Variants in PPARGC1B observed in about 807,000 individuals in gnomAD.
PPARGC1B encodes the protein peroxisome proliferator-activated receptor gamma coactivator 1-beta.
PPARGC1B carries 34 observed loss-of-function variants against 101.6 expected under a neutral mutation model. That is an observed-to-expected ratio of 0.33 (90% CI 0.25 to 0.45). PPARGC1B has a LOEUF of 0.45. Among genes scored for constraint, PPARGC1B ranks in the 20% least tolerant of loss-of-function variants. The pLI, the probability that PPARGC1B is intolerant of heterozygous loss-of-function variation, is 1.00. For missense variants in PPARGC1B, 1,234 were observed against 1,317.6 expected (o/e 0.94, Z 0.98); for synonymous variants, 548 against 539.3 (o/e 1.02, Z -0.22).
intron 1 of PPARGC1B, among the ~76,000 whole-genome samples, chr5:149,731,115 G>T (rs1754446764): frequency 2.0e-5 from 3 of 152,214 alleles, no homozygotes. Context: ...GCGGTGCGCG[G>T]CCCCGGTGCG....
intron 11 of PPARGC1B, chr5:149,846,138 A>G: frequency 3.3e-6 from 2 of 607,244 alleles, no homozygotes; most frequent in South Asian, 2.1e-5. Flanking sequence ...ACTGCTACCA[A>G]AGAGAATCCA....
intron 1 of PPARGC1B, among the ~76,000 whole-genome samples, chr5:149,755,078 T>G (rs1350978457): frequency 1.4e-5 from 2 of 146,178 alleles, no homozygotes; most frequent in South Asian, 2.2e-4. Context: ...TATATAATTT[T>G]TTTTTCTTTT....
chr5:149,763,643 A>G (rs1043910833), intron 1 of PPARGC1B, among the ~76,000 whole-genome samples: 1 of 144,966 alleles, frequency 6.9e-6, no homozygotes, highest in African/African-American at 2.6e-5. Context: ...TAATTCTCCC[A>G]TCTTAGCCTC....
intron 2 of PPARGC1B, 80 bp from the exon 3 acceptor site, chr5:149,826,593 C>T: frequency 2.7e-6 from 3 of 1,123,926 alleles, no homozygotes; most frequent in South Asian, 2.7e-5. Context: ...AGCTGGTGTC[C>T]ACCGTGGAGA....
chr5:149,733,658 G>A (rs1224650668), intron 1 of PPARGC1B, among the ~76,000 whole-genome samples: 6 of 152,272 alleles, frequency 3.9e-5, no homozygotes, highest in Non-Finnish European at 5.9e-5. Context: ...CCAAGCAGAA[G>A]CTCCCAGGCT....
At chr5:149,790,408 C>A (rs926805023) in intron 1 of PPARGC1B, among the ~76,000 whole-genome samples, 1 of 152,104 alleles carries the variant, frequency 6.6e-6, no homozygotes, top group Non-Finnish European at 1.5e-5. Context: ...TCCGCTCTCA[C>A]CCCTGCACAC....
intron 1 of PPARGC1B, among the ~76,000 whole-genome samples, chr5:149,799,928 A>G (rs2113287098): frequency 6.6e-6 from 1 of 151,882 alleles, no homozygotes; most frequent in East Asian, 1.9e-4. Context: ...CGAACTCCTG[A>G]CCTCAGGTAA....
intron 10 of PPARGC1B, among the ~76,000 whole-genome samples, chr5:149,844,391 T>G (rs1759469155): frequency 6.6e-6 from 1 of 152,256 alleles, no homozygotes; most frequent in Admixed American, 6.5e-5. Flanking sequence ...GGCTCACGCC[T>G]GTAATCCCAA....
At chr5:149,843,299 CT>C (rs1759422740) in intron 10 of PPARGC1B, among the ~76,000 whole-genome samples, 1 of 152,166 alleles carries the variant, frequency 6.6e-6, no homozygotes, top group Admixed American at 6.5e-5. Flanking sequence ...GATGTCAAAA[CT>C]TTGTCAGTTT....
chr5:149,778,848 A>G (rs1054564016), intron 1 of PPARGC1B, among the ~76,000 whole-genome samples: 3 of 152,180 alleles, frequency 2.0e-5, no homozygotes, highest in African/African-American at 7.2e-5. Flanking sequence ...GAGTGTGTGT[A>G]GTCATAAAAC....
intron 1 of PPARGC1B, among the ~76,000 whole-genome samples, chr5:149,803,241 C>A (rs909096525): frequency 6.6e-6 from 1 of 152,212 alleles, no homozygotes; most frequent in African/African-American, 2.4e-5. Flanking sequence ...CCAGTGTTCT[C>A]TACTATTGCT....
In PPARGC1B at chr5:149,830,840, G is replaced by A. The variant is rs148461382; in HGVS notation, c.539G>A (p.Arg180His). The A allele has an allele frequency of 7.4e-6, 12 of 1,613,986 alleles. No homozygotes were observed. Among genetic ancestry groups the A allele is most frequent in the South Asian group, 4.4e-5 (4 of 91,084 alleles). Residue 180 changes from arginine to histidine, a missense_variant, in exon 4 of 12, where the codon CGC becomes CAC. Physicochemically the swap from Arg to His is conservative, Grantham distance 29 (BLOSUM62 0). This residue lies in a region of PPARGC1B where 734 missense variants were observed against 768.4 expected (regional missense o/e 0.96). Transcript: ENST00000309241. The stretch of plus-strand genomic sequence containing the variant: ...ACCCAGAAGGAAGGGACCGCCTGGC[G>A]CCAGGCAGGCCTCAGATCTAAAAGT... The part of the protein sequence containing the change: ...SDTQKEGTAW[R>H]QAGLRSKSQR...
At chr5:149,797,776 C>G (rs1211931136) in intron 1 of PPARGC1B, among the ~76,000 whole-genome samples, 3 of 152,014 alleles carry the variant, frequency 2.0e-5, no homozygotes, top group Non-Finnish European at 4.4e-5. Flanking sequence ...TAAAAATTAG[C>G]TGGGTGTGGT....
Position 149,789,873 on chromosome 5 carries a change from T to A in PPARGC1B, c.79-30560T>A, listed in dbSNP as rs181998589. On this transcript the variant is annotated intron_variant, in intron 1 of 11. Transcript: ENST00000309241. ...GTCCCTCATGAAAATGGAGGTGAAA[T>A]TGGCCTGCTGTGGTCTGTATGTCAG... is the stretch of plus-strand genomic sequence containing the variant. Among the ~76,000 whole-genome samples, 549 of 152,308 alleles carry A rather than the reference T, an allele frequency of 3.6e-3. 2 individuals are homozygous for A. Among genetic ancestry groups the A allele is most frequent in the African/African-American group, 0.013 (534 of 41,578 alleles).
At chr5:149,816,331 C>T (rs1487570587) in intron 1 of PPARGC1B, among the ~76,000 whole-genome samples, 2 of 152,098 alleles carry the variant, frequency 1.3e-5, no homozygotes, top group East Asian at 1.9e-4. Context: ...GTAAAGGAGG[C>T]GGTATGGTTT....
intron 1 of PPARGC1B, among the ~76,000 whole-genome samples, chr5:149,800,736 C>G (rs529669100): frequency 5.9e-5 from 9 of 152,290 alleles, no homozygotes; most frequent in Admixed American, 2.6e-4. Context: ...TTGGGTGTTT[C>G]AGGAGTGACA....
chr5:149,816,198 C>G (rs183165923), intron 1 of PPARGC1B, among the ~76,000 whole-genome samples: 1 of 152,352 alleles, frequency 6.6e-6, no homozygotes, highest in Admixed American at 6.5e-5. Context: ...TGGTCTTAGC[C>G]TAATTGACAA....
At chr5:149,731,007 A>G (rs995666678) in intron 1 of PPARGC1B, among the ~76,000 whole-genome samples, 33 of 152,356 alleles carry the variant, frequency 2.2e-4, no homozygotes, top group African/African-American at 7.7e-4. Flanking sequence ...GGGCGGAGAC[A>G]GCGTCTTCCT....
chr5:149,839,154 C>T (rs1008672929), intron 8 of PPARGC1B, among the ~76,000 whole-genome samples: 2 of 152,138 alleles, frequency 1.3e-5, no homozygotes, highest in Admixed American at 6.5e-5. Flanking sequence ...CAAATATTTA[C>T]GGAGCAGTTC....
Sources: gnomAD v4.1 joint callset for allele counts (sites outside exome capture counted in the v4.1 genomes callset) on GRCh38, gnomAD v4.1.1 for gene constraint, gnomAD v4.1.1 regional missense constraint, MANE v1.5 for transcripts, NCBI Gene and HGNC (gene_info 2026-07-23, HGNC 2026-07-21) for gene names.